The following DLC1 variants were observed in gnomAD, a reference collection of about 807,000 sequenced individuals.
DLC1 encodes the protein rho GTPase-activating protein 7.
Under a neutral mutation model 140.3 loss-of-function variants are expected in DLC1, and 54 were observed. The observed-to-expected ratio is 0.38, with a 90% CI of 0.31 to 0.48. The LOEUF (loss-of-function observed/expected upper bound fraction) is 0.48. Ranked by LOEUF, DLC1 falls within the 20% of genes least tolerant of loss-of-function variation. The probability of loss-of-function intolerance (pLI) is 0.96; values close to 1 mark genes in which losing one functional copy is unlikely to be tolerated. For synonymous variants in DLC1, 986 were observed against 728.1 expected, an observed-to-expected ratio of 1.35 and a Z score of -5.70; for missense variants, 2,536 against 1,907.0, an observed-to-expected ratio of 1.33 and a Z score of -6.14.
In DLC1 at chr8:13,088,624, T is replaced by A. The variant is rs149670677; in HGVS notation, c.4155A>T (p.Leu1385=). The part of the protein sequence containing the change: ...PAVPEEILKR[L]LKEQHLWDVD... Reference sequence around the variant, plus strand: ...CATCCCAGAGGTGCTGTTCTTTAAGTAGGCGCTTTAAGATTTCCTCTGGCA... The same window carrying A: ...CATCCCAGAGGTGCTGTTCTTTAAGAAGGCGCTTTAAGATTTCCTCTGGCA... The change falls in exon 16 of 18, where the codon CTA becomes CTT. Residue 1385 remains leucine, a synonymous_variant. Coordinates refer to ENST00000276297, the MANE Select transcript of DLC1 (RefSeq NM_182643.3). The A allele has an allele frequency of 3.7e-6, 6 of 1,614,064 alleles. No individual in the cohort carries two copies. Among genetic ancestry groups the A allele is most frequent in the Non-Finnish European group, 5.1e-6 (6 of 1,180,048 alleles).
chr8:13,183,474 T>C (rs1469333666), intron 5 of DLC1, among the ~76,000 whole-genome samples: 2 of 152,174 alleles, frequency 1.3e-5, no homozygotes, highest in African/African-American at 4.8e-5. Context: ...CCTCTTACCA[T>C]TTTGAGATAT....
chr8:13,500,175 A>T lies in DLC1; in HGVS notation c.-104T>A. On this transcript the variant is annotated 5_prime_UTR_variant, in exon 2 of 18. Transcript: ENST00000276297. ...TCAAAATCACCAATCAAAGAAGCGAATGAGTTCTGTCATTTCACCACCTAT... is the reference window on the plus strand; with the variant it reads ...TCAAAATCACCAATCAAAGAAGCGATTGAGTTCTGTCATTTCACCACCTAT... 9.3e-7 allele frequency: 1 copy of T among 1,069,698 alleles called. No individual in the cohort carries two copies. The highest frequency in any genetic ancestry group is 1.7e-5 in the South Asian group (1 of 60,260). 66.3% of individuals were successfully genotyped at this position (1,069,698 alleles called of 1,614,324 possible).
chr8:13,095,305 C>T, intron 10 of DLC1, 60 bp from the exon 11 acceptor site: 1 of 1,603,850 alleles, frequency 6.2e-7, no homozygotes, highest in East Asian at 2.2e-5. Flanking sequence ...TCTGTCTACA[C>T]TTGTCCAATT....
intron 4 of DLC1, among the ~76,000 whole-genome samples, chr8:13,368,873 G>T (rs1213314813): frequency 1.3e-5 from 2 of 152,128 alleles, no homozygotes; most frequent in African/African-American, 4.8e-5. Context: ...GCCCAGGCTG[G>T]AGGGCAGCGG....
chr8:13,576,391 G>A (rs1208318997), intron 1 of DLC1, among the ~76,000 whole-genome samples: 2 of 152,108 alleles, frequency 1.3e-5, no homozygotes, highest in East Asian at 1.9e-4. Context: ...TGGTTGAGAG[G>A]ACACAATTCC....
intron 3 of DLC1, among the ~76,000 whole-genome samples, chr8:13,399,248 C>T (rs1837190058): frequency 6.6e-6 from 1 of 152,160 alleles, no homozygotes; most frequent in African/African-American, 2.4e-5. Context: ...CCAGGGAATT[C>T]TGGTTCTGGA....
At chr8:13,175,136 G>T (rs1825689035) in intron 5 of DLC1, among the ~76,000 whole-genome samples, 1 of 152,100 alleles carries the variant, frequency 6.6e-6, no homozygotes, top group Non-Finnish European at 1.5e-5. Flanking sequence ...CCAATTGCTT[G>T]CTTTTGTCTA....
At chr8:13,272,250 C>A (rs929810025) in intron 5 of DLC1, among the ~76,000 whole-genome samples, 8 of 151,894 alleles carry the variant, frequency 5.3e-5, no homozygotes, top group African/African-American at 1.9e-4. Context: ...GAGTTCAAGA[C>A]CAGCCTGGCC....
Position 13,582,876 on chromosome 8 carries a change from GTCTA to G in DLC1, c.-126+21657_-126+21660del, listed in dbSNP as rs1366647336. Among the ~76,000 whole-genome samples, 7 of 41,988 alleles carry G rather than the reference GTCTA, an allele frequency of 1.7e-4. 1 individual carries two copies. The highest frequency in any genetic ancestry group is 4.1e-4 in the African/African-American group (5 of 12,092). 27.5% of individuals were successfully genotyped at this position (41,988 alleles called of 152,430 possible). On this transcript the variant is annotated intron_variant, in intron 1 of 1. Transcript: ENST00000631382. ...AAAGTTATGTTTACAATATACTGTGGTCTATATATATATATATATATATATATAT... is the reference window on the plus strand; with the variant it reads ...AAAGTTATGTTTACAATATACTGTGGTATATATATATATATATATATATAT...
chr8:13,399,857 G>C (rs1426307777), intron 3 of DLC1, among the ~76,000 whole-genome samples: 1 of 152,066 alleles, frequency 6.6e-6, no homozygotes. Context: ...GGGTGGGGTA[G>C]GGGGGCGGTG....
At chr8:13,571,494 G>T (rs1249127137) in intron 1 of DLC1, among the ~76,000 whole-genome samples, 1 of 152,152 alleles carries the variant, frequency 6.6e-6, no homozygotes, top group African/African-American at 2.4e-5. Context: ...GCTTAGTGTC[G>T]AGGTTCATCC....
chr8:13,473,341 A>G (rs1163517239), intron 2 of DLC1, among the ~76,000 whole-genome samples: 2 of 152,174 alleles, frequency 1.3e-5, no homozygotes, highest in Non-Finnish European at 1.5e-5. Flanking sequence ...TGTTCCCGTG[A>G]TAGTGAATAA....
chr8:13,391,132 G>C (rs764287370), intron 4 of DLC1, among the ~76,000 whole-genome samples: 2 of 152,168 alleles, frequency 1.3e-5, no homozygotes, highest in Non-Finnish European at 2.9e-5. Context: ...GCCTGCTAGA[G>C]AACTTTACTA....
intron 4 of DLC1, among the ~76,000 whole-genome samples, chr8:13,332,346 A>G (rs1252457987): frequency 6.6e-6 from 1 of 152,108 alleles, no homozygotes; most frequent in Non-Finnish European, 1.5e-5. Context: ...AGTATACCTG[A>G]GAGTCAGAGA....
At chr8:13,470,347 A>C (rs1462808647) in intron 2 of DLC1, among the ~76,000 whole-genome samples, 1 of 152,234 alleles carries the variant, frequency 6.6e-6, no homozygotes, top group Admixed American at 6.5e-5. Flanking sequence ...CTATCTAAAC[A>C]TATAAGGAGT....
intron 5 of DLC1, among the ~76,000 whole-genome samples, chr8:13,143,846 G>GAGAGAGAGAGAGAGACAGAGAGAGAGAC (rs1476183797): frequency 2.7e-5 from 4 of 148,388 alleles, no homozygotes; most frequent in Non-Finnish European, 6.0e-5. Flanking sequence ...GAGAGAGAGA[G>GAGAGAGAGAGAGAGACAGAGAGAGAGAC]AGAGAGACAT....
At chr8:13,374,346 T>A (rs1258495735) in intron 4 of DLC1, among the ~76,000 whole-genome samples, 2 of 152,100 alleles carry the variant, frequency 1.3e-5, no homozygotes, top group African/African-American at 4.8e-5. Flanking sequence ...TTTACTTAGG[T>A]CACATTTCTG....
chr8:13,188,796 TG>T (rs1250882103), intron 5 of DLC1, among the ~76,000 whole-genome samples: 1 of 93,224 alleles, frequency 1.1e-5, no homozygotes, highest in Non-Finnish European at 2.1e-5. Context: ...TGTGTGTGTG[TG>T]TGTGTATATA....
chr8:13,276,428 C>CGGGCG (rs1831168635), intron 5 of DLC1: 1 of 1,433,354 alleles, frequency 7.0e-7, no homozygotes. Flanking sequence ...CAGCGCAGCC[C>CGGGCG]GGGCGCCGCG....
Sources: allele counts gnomAD v4.1 joint callset (sites outside exome capture counted in the v4.1 genomes callset), GRCh38; gene constraint gnomAD v4.1.1; transcripts MANE v1.5; gene names NCBI Gene and HGNC (gene_info 2026-07-23, HGNC 2026-07-21).